METTL15: variants seen among roughly 807,000 people sequenced by gnomAD.
METTL15 encodes the protein methyltransferase 15, mitochondrial 12S rRNA N4-cytidine, also known as 12S rRNA N(4)-cytidine methyltransferase METTL15.
Under a neutral mutation model 38.3 loss-of-function variants are expected in METTL15, and 34 were observed. The ratio of observed to expected loss-of-function variants is 0.89; its 90% CI spans 0.68 to 1.18. The LOEUF (loss-of-function observed/expected upper bound fraction) is 1.18. Among genes scored for constraint, METTL15 ranks in the 50% most tolerant of loss-of-function variants. METTL15 has a pLI of 0.00. For synonymous variants in METTL15, 162 were observed against 170.9 expected, an observed-to-expected ratio of 0.95 and a Z score of 0.41; for missense variants, 438 against 498.4, an observed-to-expected ratio of 0.88 and a Z score of 1.15.
intron 4 of METTL15, among the ~76,000 whole-genome samples, chr11:28,355,861 C>T (rs1396465618): frequency 3.9e-5 from 6 of 152,142 alleles, no homozygotes; most frequent in Non-Finnish European, 7.3e-5. Flanking sequence ...ATCATTGCTA[C>T]AGGGTTTCAG....
chr11:28,199,564 C>T (rs993192703), intron 3 of METTL15, among the ~76,000 whole-genome samples: 1 of 151,954 alleles, frequency 6.6e-6, no homozygotes, highest in Non-Finnish European at 1.5e-5. Flanking sequence ...GCCAGTACAA[C>T]ACTAATTGAG....
At chr11:28,157,385 C>G (rs938277934) in intron 3 of METTL15, among the ~76,000 whole-genome samples, 21 of 152,250 alleles carry the variant, frequency 1.4e-4, no homozygotes, top group African/African-American at 4.8e-4. Context: ...CCCAGCAGAT[C>G]CAGTGGTGCT....
intron 6 of METTL15, among the ~76,000 whole-genome samples, chr11:28,310,279 C>G (rs1291810209): frequency 4.0e-5 from 6 of 151,348 alleles, no homozygotes; most frequent in African/African-American, 9.7e-5. Context: ...AAACTGGGAA[C>G]CAAGAGCAGA....
chr11:28,267,533 T>G (rs556794209), intron 4 of METTL15, among the ~76,000 whole-genome samples: 2 of 152,354 alleles, frequency 1.3e-5, no homozygotes, highest in East Asian at 3.9e-4. Flanking sequence ...TATGATTTAC[T>G]TATTTGTAGT....
intron 3 of METTL15, among the ~76,000 whole-genome samples, chr11:28,349,369 A>G (rs1351325320): frequency 1.3e-5 from 2 of 152,218 alleles, no homozygotes; most frequent in Non-Finnish European, 2.9e-5. Context: ...TTATCTGGGC[A>G]GGCTACCTTT....
intron 5 of METTL15, among the ~76,000 whole-genome samples, chr11:28,386,663 A>T (rs1850444273): frequency 1.3e-5 from 2 of 151,974 alleles, no homozygotes; most frequent in East Asian, 1.9e-4. Context: ...GAACAACCAG[A>T]TGCTTAATAA....
chr11:28,266,733 A>G (rs1171314847), intron 4 of METTL15, among the ~76,000 whole-genome samples: 1 of 152,164 alleles, frequency 6.6e-6, no homozygotes, highest in South Asian at 2.1e-4. Context: ...GATCAGTGCA[A>G]CAGTCTCTTT....
intron 4 of METTL15, among the ~76,000 whole-genome samples, chr11:28,284,842 A>T (rs1307244377): frequency 6.6e-6 from 1 of 152,138 alleles, no homozygotes; most frequent in Non-Finnish European, 1.5e-5. Flanking sequence ...ATATTTTTTT[A>T]TATGGGGTGT....
At chr11:28,522,190 T>C (rs1213945381) in intron 6 of METTL15, among the ~76,000 whole-genome samples, 1 of 152,210 alleles carries the variant, frequency 6.6e-6, no homozygotes, top group Non-Finnish European at 1.5e-5. Flanking sequence ...GTATTGACCT[T>C]AGAGTGAAGT....
At chr11:28,474,999 C>T (rs973630533) in intron 6 of METTL15, among the ~76,000 whole-genome samples, 6 of 152,178 alleles carry the variant, frequency 3.9e-5, no homozygotes, top group Non-Finnish European at 7.3e-5. Flanking sequence ...AATCCTCTCT[C>T]TCTCTTATTT....
intron 4 of METTL15, among the ~76,000 whole-genome samples, chr11:28,220,440 T>C (rs926981209): frequency 6.6e-6 from 1 of 152,208 alleles, no homozygotes; most frequent in African/African-American, 2.4e-5. Context: ...TCCTTTATTT[T>C]GAGCCTATGT....
At chr11:28,467,007 T>G (rs80006505) in intron 6 of METTL15, among the ~76,000 whole-genome samples, 140 of 152,298 alleles carry the variant, frequency 9.2e-4, no homozygotes, top group African/African-American at 3.3e-3. Context: ...GCACATGAAT[T>G]CTGGTGGCCT....
chr11:28,451,476 T>C (rs1241627805), intron 6 of METTL15, among the ~76,000 whole-genome samples: 1 of 151,752 alleles, frequency 6.6e-6, no homozygotes, highest in African/African-American at 2.4e-5. Context: ...TATCAGCTAC[T>C]CAGGAGGCTG....
At chr11:28,272,686 CT>C (rs1321125274) in intron 4 of METTL15, among the ~76,000 whole-genome samples, 1 of 152,120 alleles carries the variant, frequency 6.6e-6, no homozygotes, top group Non-Finnish European at 1.5e-5. Flanking sequence ...CCTGCACATT[CT>C]GCACATGTAT....
At chr11:28,194,447 G>A (rs1851834572) in intron 3 of METTL15, among the ~76,000 whole-genome samples, 1 of 151,574 alleles carries the variant, frequency 6.6e-6, no homozygotes, top group Admixed American at 6.6e-5. Flanking sequence ...TGATGCACCT[G>A]CCTTGGCCTC....
At chr11:28,444,285 A>G (rs988736690) in intron 6 of METTL15, among the ~76,000 whole-genome samples, 3 of 152,160 alleles carry the variant, frequency 2.0e-5, no homozygotes, top group Non-Finnish European at 4.4e-5. Context: ...TTGCTTTTCA[A>G]AGCAACAGTG....
intron 6 of METTL15, among the ~76,000 whole-genome samples, chr11:28,523,971 T>A (rs1221441084): frequency 6.6e-6 from 1 of 152,190 alleles, no homozygotes; most frequent in Non-Finnish European, 1.5e-5. Context: ...CTGACAAACA[T>A]CCCACAATGC....
chr11:28,399,023 G>A lies in METTL15; in HGVS notation c.*359-25276G>A, dbSNP rs557876773. 4 of 152,012 alleles carry A rather than the reference G, an allele frequency of 2.6e-5. 1 individual carries two copies. The South Asian group carries it at 8.3e-4, about 32-fold the overall frequency. The allele number at this position is 152,012 out of a possible 1,614,324, so 9.4% of individuals were successfully genotyped here. ...CTAAGCAAAAAGAACAAAGCTGAAGGCATCACACTACCTGACTTCAAACTA... is the reference window on the plus strand; with the variant it reads ...CTAAGCAAAAAGAACAAAGCTGAAGACATCACACTACCTGACTTCAAACTA... On this transcript the variant is annotated intron_variant and NMD_transcript_variant, in intron 5 of 7. Coordinates refer to the METTL15 transcript ENST00000532947.
At chr11:28,362,631 G>C (rs1327392792) in intron 5 of METTL15, among the ~76,000 whole-genome samples, 1 of 152,152 alleles carries the variant, frequency 6.6e-6, no homozygotes, top group East Asian at 1.9e-4. Context: ...AATAATGAAT[G>C]GTCTTCAGCT....
Sources: gnomAD v4.1 joint callset for allele counts (sites outside exome capture counted in the v4.1 genomes callset) on GRCh38, gnomAD v4.1.1 for gene constraint, MANE v1.5 for transcripts, NCBI Gene and HGNC (gene_info 2026-07-23, HGNC 2026-07-21) for gene names.